PCSK5: variants seen among roughly 807,000 people sequenced by gnomAD.
PCSK5 encodes prohormone convertase 5.
Under a neutral mutation model 233.2 loss-of-function variants are expected in PCSK5, and 129 were observed. The observed-to-expected ratio is 0.55, with a 90% CI of 0.48 to 0.64. The LOEUF is 0.64. Ranked by LOEUF, PCSK5 falls within the 30% of genes least tolerant of loss-of-function variation. The pLI is 0.00. For synonymous variants in PCSK5, 825 were observed against 879.2 expected (o/e 0.94, Z 1.09); for missense variants, 2,076 against 2,430.1 (o/e 0.85, Z 3.06).
intron 20 of PCSK5, among the ~76,000 whole-genome samples, chr9:76,190,086 A>T (rs1174853231): frequency 1.3e-5 from 2 of 152,124 alleles, no homozygotes; most frequent in Non-Finnish European, 2.9e-5. Context: ...ACACAGGCAT[A>T]GCTTCCCCCA....
chr9:76,192,132 G>A (rs965648347), intron 20 of PCSK5, among the ~76,000 whole-genome samples: 13 of 147,354 alleles, frequency 8.8e-5, no homozygotes, highest in African/African-American at 3.2e-4. Flanking sequence ...AACTTGAAAT[G>A]TTCACCAACA....
chr9:75,892,218 G>C (rs1392231787), intron 1 of PCSK5, among the ~76,000 whole-genome samples: 1 of 152,228 alleles, frequency 6.6e-6, no homozygotes, highest in African/African-American at 2.4e-5. Flanking sequence ...TTTTGGCAGA[G>C]CTCTCCTGCT....
rs559608026 is a variant in PCSK5, at chr9:75,900,781, C to G, written c.192+9408C>G. 2.0e-5 allele frequency among the ~76,000 whole-genome samples: 3 copies of G among 150,756 alleles called. No individual in the cohort carries two copies. In the East Asian group the frequency reaches 5.9e-4, roughly 29 times the overall value. ...CCTCCCCATTCACTCTCAAACATGT[C>G]CAAGTTTGGAAGATAAATGATGTAG... On this transcript the variant is annotated intron_variant, in intron 1 of 37. Transcript: ENST00000674117.
chr9:76,313,408 C>G (rs554616083), intron 30 of PCSK5, among the ~76,000 whole-genome samples: 1 of 152,258 alleles, frequency 6.6e-6, no homozygotes, highest in South Asian at 2.1e-4. Flanking sequence ...AGAAAGAAAC[C>G]CTATACCCTT....
At chr9:76,025,030 C>T (rs12339634) in intron 4 of PCSK5, among the ~76,000 whole-genome samples, 7,997 of 152,176 alleles carry the variant, frequency 0.053, 431 homozygotes, top group African/African-American at 0.14. Flanking sequence ...CTGAAGCCTT[C>T]GTGCTCCAAA....
chr9:76,221,177 A>T (rs1345531685), intron 20 of PCSK5, among the ~76,000 whole-genome samples: 1 of 152,242 alleles, frequency 6.6e-6, no homozygotes, highest in Non-Finnish European at 1.5e-5. Context: ...TAACAGAGAA[A>T]ATAAATTTGG....
intron 35 of PCSK5, among the ~76,000 whole-genome samples, chr9:76,339,926 T>C (rs1232046145): frequency 6.6e-6 from 1 of 152,208 alleles, no homozygotes; most frequent in African/African-American, 2.4e-5. Context: ...GTCTTCCATG[T>C]ATTCTAGAAG....
chr9:76,050,286 G>T (rs898013081), intron 5 of PCSK5, among the ~76,000 whole-genome samples: 1 of 152,010 alleles, frequency 6.6e-6, no homozygotes, highest in African/African-American at 2.4e-5. Flanking sequence ...CTGCCAAGCT[G>T]GTCTGTTGCT....
intron 6 of PCSK5, among the ~76,000 whole-genome samples, chr9:76,069,996 A>ATTTT (rs146321207): frequency 8.2e-6 from 1 of 122,590 alleles, no homozygotes. Context: ...TTCCATTCCA[A>ATTTT]TTTTTTTTTT....
intron 30 of PCSK5, among the ~76,000 whole-genome samples, chr9:76,318,477 GAAAAAAGAA>G (rs1447218840): frequency 2.0e-5 from 3 of 148,284 alleles, no homozygotes; most frequent in Non-Finnish European, 4.5e-5. Context: ...AAAAAAAAAA[GAAAAAAGAA>G]AAAAAAGAAA....
At chr9:75,899,779 T>C (rs1587330154) in intron 1 of PCSK5, among the ~76,000 whole-genome samples, 4 of 152,062 alleles carry the variant, frequency 2.6e-5, no homozygotes, top group Non-Finnish European at 5.9e-5. Context: ...TGTTAAGAGA[T>C]GAAGCATGAA....
At chr9:75,909,400 T>G (rs376171205) in intron 1 of PCSK5, among the ~76,000 whole-genome samples, 1 of 149,470 alleles carries the variant, frequency 6.7e-6, no homozygotes, top group African/African-American at 2.5e-5. Context: ...TTTCTGTAGT[T>G]AAAATGCCCT....
At chr9:76,200,719 C>G (rs1824880061) in intron 20 of PCSK5, among the ~76,000 whole-genome samples, 1 of 152,140 alleles carries the variant, frequency 6.6e-6, no homozygotes, top group East Asian at 1.9e-4. Flanking sequence ...AGGCACAAAG[C>G]CATTGAAAGG....
At chr9:76,268,288 T>C (rs1827400114) in intron 24 of PCSK5, among the ~76,000 whole-genome samples, 1 of 151,806 alleles carries the variant, frequency 6.6e-6, no homozygotes, top group South Asian at 2.1e-4. Context: ...ACCCCACACA[T>C]ACGCACATAC....
chr9:75,945,436 G>A (rs1006832530), intron 2 of PCSK5, among the ~76,000 whole-genome samples: 2 of 151,864 alleles, frequency 1.3e-5, no homozygotes, highest in Non-Finnish European at 1.5e-5. Flanking sequence ...TGAATCTGTG[G>A]ACTTTCTCCC....
chr9:76,167,216 C>A (rs896462700), intron 12 of PCSK5, among the ~76,000 whole-genome samples: 2 of 151,054 alleles, frequency 1.3e-5, no homozygotes, highest in Non-Finnish European at 3.0e-5. Flanking sequence ...CGAGAGGGAA[C>A]CTTTATAGAT....
intron 3 of PCSK5, among the ~76,000 whole-genome samples, chr9:76,010,459 C>A (rs1431567626): frequency 6.6e-6 from 1 of 152,176 alleles, no homozygotes; most frequent in Admixed American, 6.5e-5. Flanking sequence ...GGACTGTGAT[C>A]TATCACTTTA....
chr9:76,258,749 G>C (rs1355666867), intron 24 of PCSK5, among the ~76,000 whole-genome samples: 2 of 152,204 alleles, frequency 1.3e-5, no homozygotes, highest in Non-Finnish European at 2.9e-5. Flanking sequence ...CAACTGGAAA[G>C]TTTTACAAAT....
At chr9:76,154,622 A>G (rs1383381233) in intron 10 of PCSK5, among the ~76,000 whole-genome samples, 1 of 152,220 alleles carries the variant, frequency 6.6e-6, no homozygotes, top group African/African-American at 2.4e-5. Context: ...CTGAAATAAA[A>G]TGATGAGTTG....
Sources: allele counts gnomAD v4.1 joint callset (sites outside exome capture counted in the v4.1 genomes callset), GRCh38; gene constraint gnomAD v4.1.1; transcripts MANE v1.5; gene names NCBI Gene and HGNC (gene_info 2026-07-23, HGNC 2026-07-21).